SERINC5: variants seen among roughly 807,000 people sequenced by gnomAD.
The protein encoded by SERINC5 is chromosome 5 open reading frame 12.
A neutral mutation model predicts 63.1 loss-of-function variants in SERINC5; 41 were observed. The ratio of observed to expected loss-of-function variants is 0.65; its 90% CI spans 0.51 to 0.84. The LOEUF (loss-of-function observed/expected upper bound fraction) is 0.84. SERINC5 is among the 40% of genes least tolerant of loss of function. The pLI is 0.00. For synonymous variants in SERINC5, 222 were observed against 215.2 expected, an observed-to-expected ratio of 1.03 and a Z score of -0.28; for missense variants, 523 against 573.0, an observed-to-expected ratio of 0.91 and a Z score of 0.89.
chr5:80,179,167 C>T (rs987920271), intron 2 of SERINC5, among the ~76,000 whole-genome samples: 4 of 152,002 alleles, frequency 2.6e-5, no homozygotes, highest in African/African-American at 7.2e-5. Flanking sequence ...GGTGTGGTGG[C>T]TCGTGCCTGT....
chr5:80,145,983 CTGGGCAACAGAG>C, intron 11 of SERINC5, 95 bp downstream of exon 11: 2 of 1,238,838 alleles, frequency 1.6e-6, no homozygotes, highest in Non-Finnish European at 2.3e-6. Context: ...GCACTCCAGC[CTGGGCAACAGAG>C]TGAGACTCCT....
chr5:80,221,276 C>T (rs557286654), intron 1 of SERINC5, among the ~76,000 whole-genome samples: 5 of 152,334 alleles, frequency 3.3e-5, no homozygotes, highest in African/African-American at 9.6e-5. Context: ...AACAATCCTG[C>T]GCACCTTTAA....
chr5:80,143,442 G>A lies in SERINC5; in HGVS notation c.*221C>T. 1 of 1,312,754 alleles carries A rather than the reference G, an allele frequency of 7.6e-7. No individual in the cohort carries two copies. The highest frequency in any genetic ancestry group is 2.9e-5 in the East Asian group (1 of 34,844). 81.3% of individuals were successfully genotyped at this position (1,312,754 alleles called of 1,614,324 possible). A position where few individuals can be genotyped will look rare whatever the true frequency, so the allele number is the denominator to read the frequency against. On this transcript the variant is annotated 3_prime_UTR_variant, in exon 12 of 12. Transcript: ENST00000507668. ...CCTAGGGGTAAGATATTTCAACCAT[G>A]ATCAGTTTGGTTGAAAATTTCAATT...
intron 2 of SERINC5, among the ~76,000 whole-genome samples, chr5:80,195,620 T>C (rs1179283234): frequency 6.6e-6 from 1 of 152,174 alleles, no homozygotes; most frequent in African/African-American, 2.4e-5. Context: ...TATTATGGCT[T>C]CATATTTATT....
At chr5:80,122,332 A>G (rs1417916482) in intron 11 of SERINC5, among the ~76,000 whole-genome samples, 1 of 152,034 alleles carries the variant, frequency 6.6e-6, no homozygotes, top group Non-Finnish European at 1.5e-5. Flanking sequence ...AGAAAGATGT[A>G]GAGTGGGAGG....
At chr5:80,137,428 C>G (rs909944069), downstream of SERINC5, among the ~76,000 whole-genome samples, 22 of 148,960 alleles carry the variant, frequency 1.5e-4, no homozygotes, top group Admixed American at 4.0e-4. Flanking sequence ...ATCATGAGGT[C>G]AGGAGTTCGA....
intron 11 of SERINC5, among the ~76,000 whole-genome samples, chr5:80,144,845 G>T (rs923695564): frequency 1.3e-5 from 2 of 152,178 alleles, no homozygotes; most frequent in African/African-American, 4.8e-5. Context: ...TCTGTTGAAT[G>T]AATGATAAAA....
At chr5:80,250,994 G>A (rs540228746) in intron 1 of SERINC5, among the ~76,000 whole-genome samples, 27 of 152,070 alleles carry the variant, frequency 1.8e-4, no homozygotes, top group Non-Finnish European at 2.6e-4. Context: ...CTAATGTCCC[G>A]CTTTGTTTAT....
chr5:80,192,846 A>C (rs955712689), intron 2 of SERINC5, among the ~76,000 whole-genome samples: 1 of 152,194 alleles, frequency 6.6e-6, no homozygotes, highest in African/African-American at 2.4e-5. Flanking sequence ...ATGGGGAGAG[A>C]GCATTCCTGA....
rs1745591439 is a variant in SERINC5 at position 80,142,842 on chromosome 5, T to C, written c.*821A>G. 1.0e-6 allele frequency: 1 copy of C among 985,396 alleles called. No homozygotes were observed. Among genetic ancestry groups the C allele is most frequent in the Non-Finnish European group, 1.2e-6 (1 of 829,914 alleles). 61.0% of individuals were successfully genotyped at this position (985,396 alleles called of 1,614,324 possible). ...GTAAGAATGATAGCCCTCCATTGCT[T>C]AGGCAGAGAAAACATGAATCTTGTT... On this transcript the variant is annotated 3_prime_UTR_variant, in exon 12 of 12. Transcript: ENST00000507668.
At chr5:80,223,261 A>T (rs1361778717) in intron 1 of SERINC5, among the ~76,000 whole-genome samples, 1 of 152,184 alleles carries the variant, frequency 6.6e-6, no homozygotes, top group Non-Finnish European at 1.5e-5. Context: ...CGTGAATATC[A>T]AAATTCTCAT....
chr5:80,249,132 G>A (rs989089417), intron 1 of SERINC5, among the ~76,000 whole-genome samples: 9 of 152,070 alleles, frequency 5.9e-5, no homozygotes, highest in African/African-American at 2.2e-4. Flanking sequence ...GACTAACATG[G>A]TGAAACCCCG....
At chr5:80,179,028 G>A (rs1000689013) in intron 2 of SERINC5, among the ~76,000 whole-genome samples, 4 of 152,110 alleles carry the variant, frequency 2.6e-5, no homozygotes, top group Non-Finnish European at 5.9e-5. Context: ...GGCCAGACAC[G>A]GTGGCTCATG....
chr5:80,238,857 C>A (rs563857108), intron 1 of SERINC5, among the ~76,000 whole-genome samples: 44 of 151,662 alleles, frequency 2.9e-4, no homozygotes, highest in African/African-American at 9.7e-4. Flanking sequence ...GTTTAAAATC[C>A]ATAGCTATGA....
At chr5:80,126,373 T>G (rs1406922921) in intron 11 of SERINC5, among the ~76,000 whole-genome samples, 2 of 152,186 alleles carry the variant, frequency 1.3e-5, no homozygotes, top group Non-Finnish European at 2.9e-5. Flanking sequence ...AAATGTAAGC[T>G]TCCCTGGTGG....
At chr5:80,247,923 C>T (rs1752233568) in intron 1 of SERINC5, among the ~76,000 whole-genome samples, 1 of 152,172 alleles carries the variant, frequency 6.6e-6, no homozygotes, top group Non-Finnish European at 1.5e-5. Context: ...CCATGGCTCA[C>T]TGCAGCCTCG....
At chr5:80,198,719 C>CCACGAAACA (rs1749652301) in intron 2 of SERINC5, 1 of 985,200 alleles carries the variant, frequency 1.0e-6, no homozygotes, top group African/African-American at 1.7e-5. Context: ...AGGATGAGGT[C>CCACGAAACA]AGCCTCTCTT....
At chr5:80,153,227 G>A (rs916857619) in intron 8 of SERINC5, among the ~76,000 whole-genome samples, 2 of 152,114 alleles carry the variant, frequency 1.3e-5, no homozygotes, top group African/African-American at 4.8e-5. Context: ...GGAGGCTGAA[G>A]CGGGCAGATC....
intron 1 of SERINC5, among the ~76,000 whole-genome samples, chr5:80,221,787 T>C (rs111288432): frequency 2.6e-5 from 3 of 117,530 alleles, no homozygotes; most frequent in African/African-American, 1.1e-4. Context: ...GCAAGACAAC[T>C]TTAGCAAAAA....
Sources: gnomAD v4.1 joint callset for allele counts (sites outside exome capture counted in the v4.1 genomes callset) on GRCh38, gnomAD v4.1.1 for gene constraint, MANE v1.5 for transcripts, NCBI Gene and HGNC (gene_info 2026-07-23, HGNC 2026-07-21) for gene names.